Variants in MAGI2 observed in about 807,000 individuals in gnomAD.
The protein encoded by MAGI2 is membrane-associated guanylate kinase, WW and PDZ domain-containing protein 2.
Under a neutral mutation model 133.3 loss-of-function variants are expected in MAGI2, and 35 were observed. The observed-to-expected ratio is 0.26, with a 90% CI of 0.20 to 0.35. The LOEUF (loss-of-function observed/expected upper bound fraction) is 0.35, where lower values mean the gene tolerates loss of function less well. Ranked by LOEUF, MAGI2 falls within the 10% of genes least tolerant of loss-of-function variation. The pLI is 1.00. For missense variants in MAGI2, 1,636 were observed against 1,863.4 expected, an observed-to-expected ratio of 0.88 and a Z score of 2.25; for synonymous variants, 729 against 710.6, an observed-to-expected ratio of 1.03 and a Z score of -0.41.
chr7:78,456,184 G>T (rs1789302736), intron 6 of MAGI2, among the ~76,000 whole-genome samples: 1 of 151,970 alleles, frequency 6.6e-6, no homozygotes, highest in African/African-American at 2.4e-5. Flanking sequence ...TATTAGAGTA[G>T]TGGTGAATTT....
At chr7:78,161,699 A>AAAAAAAAAAAAAAAAAAAAT in intron 15 of MAGI2, among the ~76,000 whole-genome samples, 1 of 150,404 alleles carries the variant, frequency 6.6e-6, no homozygotes, top group East Asian at 2.0e-4. Flanking sequence ...AAAAAAAAAA[A>AAAAAAAAAAAAAAAAAAAAT]GCTGTATTTG....
chr7:78,751,212 G>T (rs1291656011), intron 2 of MAGI2, among the ~76,000 whole-genome samples: 1 of 152,148 alleles, frequency 6.6e-6, no homozygotes, highest in Non-Finnish European at 1.5e-5. Flanking sequence ...AGGCATCATT[G>T]TTGTTCTAAT....
intron 2 of MAGI2, among the ~76,000 whole-genome samples, chr7:78,782,926 A>G (rs527421253): frequency 6.6e-6 from 1 of 151,410 alleles, no homozygotes; most frequent in East Asian, 1.9e-4. Context: ...ATTAGACTCC[A>G]TCTCTGGAGA....
At chr7:79,275,101 GA>G (rs1196212149) in intron 1 of MAGI2, among the ~76,000 whole-genome samples, 1 of 152,138 alleles carries the variant, frequency 6.6e-6, no homozygotes, top group African/African-American at 2.4e-5. Context: ...GTGAAAGGAA[GA>G]GTCACAAGTC....
intron 1 of MAGI2, among the ~76,000 whole-genome samples, chr7:79,435,276 A>G (rs1344154325): frequency 6.6e-6 from 1 of 151,766 alleles, no homozygotes; most frequent in East Asian, 1.9e-4. Flanking sequence ...ATGTTTTCAA[A>G]AACATTCTAC....
chr7:78,173,634 A>C (rs1826318929), intron 14 of MAGI2, among the ~76,000 whole-genome samples: 1 of 152,210 alleles, frequency 6.6e-6, no homozygotes, highest in South Asian at 2.1e-4. Flanking sequence ...GGGAGAAAGG[A>C]CCTGATAATC....
At chr7:79,157,450 G>C (rs1240420302) in intron 1 of MAGI2, among the ~76,000 whole-genome samples, 1 of 151,944 alleles carries the variant, frequency 6.6e-6, no homozygotes, top group East Asian at 1.9e-4. Flanking sequence ...AGACATGTAA[G>C]AGGGTGGAAA....
At chr7:78,572,390 G>A (rs1418629957) in intron 3 of MAGI2, among the ~76,000 whole-genome samples, 3 of 152,014 alleles carry the variant, frequency 2.0e-5, no homozygotes, top group Non-Finnish European at 4.4e-5. Context: ...AGTAGGTAAG[G>A]CATATCAGAC....
At chr7:78,278,818 A>G (rs1165966444) in intron 9 of MAGI2, among the ~76,000 whole-genome samples, 1 of 151,980 alleles carries the variant, frequency 6.6e-6, no homozygotes, top group Non-Finnish European at 1.5e-5. Context: ...CAGATTTTAA[A>G]TTTGCCAGCC....
chr7:78,700,635 A>ATTGTTG (rs1817971697), intron 2 of MAGI2, among the ~76,000 whole-genome samples: 1 of 152,052 alleles, frequency 6.6e-6, no homozygotes, highest in Non-Finnish European at 1.5e-5. Flanking sequence ...TATACCTACC[A>ATTGTTG]TATATATTGG....
chr7:78,130,729 A>G (rs1352306596), intron 18 of MAGI2, among the ~76,000 whole-genome samples: 1 of 152,226 alleles, frequency 6.6e-6, no homozygotes, highest in Non-Finnish European at 1.5e-5. Flanking sequence ...CTTAGAGGCA[A>G]TGTAGTAGTA....
chr7:78,077,599 G>T (rs1191947601), intron 21 of MAGI2, among the ~76,000 whole-genome samples: 3 of 84,156 alleles, frequency 3.6e-5, no homozygotes, highest in African/African-American at 1.6e-4. Context: ...CGCATTTAAG[G>T]TCTTTGAGTT....
intron 5 of MAGI2, among the ~76,000 whole-genome samples, chr7:78,495,134 A>G (rs932773570): frequency 2.0e-5 from 3 of 152,136 alleles, no homozygotes; most frequent in African/African-American, 7.2e-5. Context: ...TATTATTATT[A>G]TAAGTTCTGG....
chr7:78,971,778 T>C (rs553966976), intron 2 of MAGI2, among the ~76,000 whole-genome samples: 1 of 151,966 alleles, frequency 6.6e-6, no homozygotes, highest in South Asian at 2.1e-4. Context: ...ATTTAATCTG[T>C]CTCAATTTCT....
At chr7:79,127,375 A>C (rs1820518660) in intron 1 of MAGI2, among the ~76,000 whole-genome samples, 1 of 152,086 alleles carries the variant, frequency 6.6e-6, no homozygotes, top group African/African-American at 2.4e-5. Flanking sequence ...GAATCGCCAC[A>C]CTGACTTCCA....
chr7:79,141,501 T>C (rs1180313355), intron 1 of MAGI2, among the ~76,000 whole-genome samples: 1 of 152,180 alleles, frequency 6.6e-6, no homozygotes, highest in Non-Finnish European at 1.5e-5. Flanking sequence ...GTCCCCTATC[T>C]CTCATTACTT....
At chr7:78,569,505 T>C (rs1801289051) in intron 3 of MAGI2, among the ~76,000 whole-genome samples, 1 of 152,198 alleles carries the variant, frequency 6.6e-6, no homozygotes, top group African/African-American at 2.4e-5. Context: ...ACTCAGACTT[T>C]CTTTTGGTAG....
At position 79,090,852 on chromosome 7, in the gene MAGI2, G is replaced by A. The variant is rs371010771; in HGVS notation, c.302-83646C>T. Among the ~76,000 whole-genome samples, 37 of 152,250 alleles carry A rather than the reference G, an allele frequency of 2.4e-4. No individual in the cohort carries two copies. In the South Asian group the frequency reaches 6.8e-3, roughly 28 times the overall value. On this transcript the variant is annotated intron_variant, in intron 1 of 21. Coordinates refer to ENST00000354212, the MANE Select transcript of MAGI2 (RefSeq NM_012301.4). ...TGTATTGAAGGTGAATTCTGATAGT[G>A]TATTAAATATTGGGTGAATTTCATC...
At chr7:78,741,376 AACACACACACACACACACACAC>A (rs55784786) in intron 2 of MAGI2, among the ~76,000 whole-genome samples, 49 of 117,548 alleles carry the variant, frequency 4.2e-4, no homozygotes, top group Admixed American at 1.7e-3. Flanking sequence ...AAAAAGTTGA[AACACACACACACACACACACAC>A]ACACACACAC....
Sources: gnomAD v4.1 joint callset for allele counts (sites outside exome capture counted in the v4.1 genomes callset) on GRCh38, gnomAD v4.1.1 for gene constraint, MANE v1.5 for transcripts, NCBI Gene and HGNC (gene_info 2026-07-23, HGNC 2026-07-21) for gene names.